MYO7B: variants seen among roughly 807,000 people sequenced by gnomAD.
MYO7B encodes unconventional myosin-VIIb.
In MYO7B, 212 loss-of-function variants were observed where a neutral mutation model predicts 259.7. That is an observed-to-expected ratio of 0.82 (90% CI 0.73 to 0.91). The LOEUF (loss-of-function observed/expected upper bound fraction) is 0.91. Ranked by LOEUF, MYO7B falls within the 40% of genes least tolerant of loss-of-function variation. MYO7B has a pLI of 0.00. For missense variants in MYO7B, 2,732 were observed against 2,813.5 expected (o/e 0.97, Z 0.66); for synonymous variants, 1,197 against 1,166.4 (o/e 1.03, Z -0.54).
chr2:127,584,393 G>T lies in MYO7B; in HGVS notation c.1554+61G>T. 1 of 1,555,182 alleles carries T rather than the reference G, an allele frequency of 6.4e-7. No individual in the cohort carries two copies. Among genetic ancestry groups the T allele is most frequent in the Non-Finnish European group, 8.8e-7 (1 of 1,132,594 alleles). On this transcript the variant is annotated intron_variant, in intron 13 of 47. Coordinates refer to ENST00000409816, the MANE Select transcript of MYO7B (RefSeq NM_001393586.1). The surrounding 1 kb of genome is among the most constrained non-coding windows in gnomAD (Gnocchi z 5.8). ...CCCTGCTATGGGTCTCCTCTTGGAG[G>T]CTGGGAAACTCCATTTGGGTGGGCC... is the stretch of plus-strand genomic sequence containing the variant.
rs992964656 is a variant in MYO7B, at chr2:127,624,448, T to C, written c.4047+128T>C. 7 of 818,672 alleles carry C rather than the reference T, an allele frequency of 8.6e-6. No individual in the cohort carries two copies. The African/African-American group carries it at 1.2e-4, about 14-fold the overall frequency. 50.7% of individuals were successfully genotyped at this position (818,672 alleles called of 1,614,324 possible). A position where few individuals can be genotyped will look rare whatever the true frequency, so the allele number is the denominator to read the frequency against. ...GGCAGGAAAGGGGGTCACAAGGGTG[T>C]AGGTCCCTTCCAGGCCCAGCCTCTG... On this transcript the variant is annotated intron_variant, in intron 30 of 47. Transcript: ENST00000409816.
In MYO7B at chr2:127,590,052, G is replaced by A. The variant is rs2104967009; in HGVS notation, c.1855-40G>A. The A allele has an allele frequency of 1.3e-6, 2 of 1,551,264 alleles. No individual in the cohort carries two copies. Among genetic ancestry groups the A allele is most frequent in the African/African-American group, 2.7e-5 (2 of 73,270 alleles). On this transcript the variant is annotated intron_variant, in intron 15 of 47. Transcript: ENST00000409816. This position sits in a 1 kb window ranked among gnomAD's most constrained non-coding sequence, Gnocchi z 4.6. ...ACAGGGTCAGCTGTCCCAGGACATG[G>A]CTCCTGAGACCCACTTGTGCTCTGT... is the stretch of plus-strand genomic sequence containing the variant.
rs1453605866 is a variant in MYO7B, at chr2:127,535,876, T to A, written c.-24+45T>A. ...GTGTCTGCCAGCGGGGAGTAGGGGG[T>A]CACCTCTCTGAAGAGGGTCGCTGGG... On this transcript the variant is annotated intron_variant, in intron 1 of 47. Transcript: ENST00000409816. This position sits in a 1 kb window ranked among gnomAD's most constrained non-coding sequence, Gnocchi z 4.8. 1 of 152,192 alleles carries A rather than the reference T, an allele frequency of 6.6e-6. No individual in the cohort carries two copies. Among genetic ancestry groups the A allele is most frequent in the African/African-American group, 2.4e-5 (1 of 41,272 alleles). The allele number at this position is 152,192 out of a possible 1,614,324, so 9.4% of individuals were successfully genotyped here. A position where few individuals can be genotyped will look rare whatever the true frequency, so the allele number is the denominator to read the frequency against.
At chr2:127,554,565 G>A (rs1426124273) in intron 1 of MYO7B, among the ~76,000 whole-genome samples, 1 of 152,140 alleles carries the variant, frequency 6.6e-6, no homozygotes, top group Non-Finnish European at 1.5e-5. Flanking sequence ...GTCCTTTTCT[G>A]GTTTTGATAT....
rs1045365573 is a variant in MYO7B at position 127,539,325 on chromosome 2, T to C, written c.-24+3494T>C. On this transcript the variant is annotated intron_variant, in intron 1 of 47. Coordinates refer to ENST00000409816, the MANE Select transcript of MYO7B (RefSeq NM_001393586.1). This position sits in a 1 kb window ranked among gnomAD's most constrained non-coding sequence, Gnocchi z 4.0. ...ACAAAATGTACATCAGAAAATCCCATATATTTGCTAGGCATAGACACAAAA... is the reference window on the plus strand; with the variant it reads ...ACAAAATGTACATCAGAAAATCCCACATATTTGCTAGGCATAGACACAAAA... Among the ~76,000 whole-genome samples the C allele has an allele frequency of 2.6e-5, 4 of 152,194 alleles. No individual in the cohort carries two copies. Among genetic ancestry groups the C allele is most frequent in the African/African-American group, 4.8e-5 (2 of 41,460 alleles).
Position 127,615,534 on chromosome 2 carries a change from C to T in MYO7B, c.3398+2931C>T, listed in dbSNP as rs1189425349. 6.6e-6 allele frequency among the ~76,000 whole-genome samples: 1 copy of T among 152,050 alleles called. No homozygotes were observed. Among genetic ancestry groups the T allele is most frequent in the Non-Finnish European group, 1.5e-5 (1 of 68,014 alleles). ...CAGGGAGGAGGAGGTAACGATTGGT[C>T]AGCTGCTTAATTGATCACAGGTTCA... On this transcript the variant is annotated intron_variant, in intron 26 of 47. Coordinates refer to ENST00000409816, the MANE Select transcript of MYO7B (RefSeq NM_001393586.1). This position sits in a 1 kb window ranked among gnomAD's most constrained non-coding sequence, Gnocchi z 4.4.
rs1172241449 is a variant in MYO7B at position 127,584,683 on chromosome 2, C to T, written c.1555-95C>T. Reference sequence around the variant, plus strand: ...CAAAGGCCCTCAATCATTCTGAGCCCAGATCTCTTTGCCTCCATGAGGAAG... The same window carrying T: ...CAAAGGCCCTCAATCATTCTGAGCCTAGATCTCTTTGCCTCCATGAGGAAG... On this transcript the variant is annotated intron_variant, in intron 13 of 47. Coordinates refer to ENST00000409816, the MANE Select transcript of MYO7B (RefSeq NM_001393586.1). This position sits in a 1 kb window ranked among gnomAD's most constrained non-coding sequence, Gnocchi z 5.8. The T allele has an allele frequency of 2.1e-6, 3 of 1,449,806 alleles. No homozygotes were observed. Among genetic ancestry groups the T allele is most frequent in the Non-Finnish European group, 2.8e-6 (3 of 1,057,226 alleles). 89.8% of individuals were successfully genotyped at this position (1,449,806 alleles called of 1,614,324 possible).
Position 127,608,810 on chromosome 2 carries a change from G to A in MYO7B, c.2746G>A (p.Glu916Lys), listed in dbSNP as rs1046787056. 10 of 1,613,548 alleles carry A rather than the reference G, an allele frequency of 6.2e-6. No individual in the cohort carries two copies. The highest frequency in any genetic ancestry group is 1.7e-5 in the Admixed American group (1 of 60,018). The stretch of plus-strand genomic sequence containing the variant: ...CACCGTCACTGACACGGAGATGGTG[G>A]AGAAGGTGTTCGGCTTCCTCCCTGC... Reference protein sequence around the residue: ...YDTVTDTEMVEKVFGFLPAMI... With the variant: ...YDTVTDTEMVKKVFGFLPAMI... The change falls in exon 22 of 48, where the codon GAG becomes AAG. Residue 916 changes from glutamate to lysine, a missense_variant. Coordinates refer to ENST00000409816, the MANE Select transcript of MYO7B (RefSeq NM_001393586.1).
intron 19 of MYO7B, among the ~76,000 whole-genome samples, chr2:127,598,759 C>T (rs76867005): frequency 0.062 from 9,489 of 152,102 alleles, 444 homozygotes; most frequent in Non-Finnish European, 0.089. Flanking sequence ...TTGTGTAGAG[C>T]GTGACACTTA....
At position 127,546,756 on chromosome 2, in the gene MYO7B, G is replaced by A. The variant is rs1410055006; in HGVS notation, c.-24+10925G>A. ...GGGGCAATGCCTCACCTGCTTTCCT[G>A]GGTAGGTCCATCCATCCATCCATCC... On this transcript the variant is annotated intron_variant, in intron 1 of 47. Coordinates refer to ENST00000409816, the MANE Select transcript of MYO7B (RefSeq NM_001393586.1). The surrounding 1 kb of genome is among the most constrained non-coding windows in gnomAD (Gnocchi z 4.2). Among the ~76,000 whole-genome samples the A allele has an allele frequency of 3.4e-5, 5 of 148,020 alleles. No individual in the cohort carries two copies. Among genetic ancestry groups the A allele is most frequent in the African/African-American group, 2.6e-5 (1 of 39,174 alleles).
At position 127,607,472 on chromosome 2, in the gene MYO7B, C is replaced by T. The variant is rs904774712; in HGVS notation, c.2643+48C>T. Reference sequence around the variant, plus strand: ...GGGCAGGTGGGGCTGGCTGGGGCCCCAGTGGGTGAGGGCAAGAAGGAGTGA... The same window carrying T: ...GGGCAGGTGGGGCTGGCTGGGGCCCTAGTGGGTGAGGGCAAGAAGGAGTGA... On this transcript the variant is annotated intron_variant, in intron 21 of 47. Transcript: ENST00000409816. This position sits in a 1 kb window ranked among gnomAD's most constrained non-coding sequence, Gnocchi z 4.4. 4.6e-6 allele frequency: 7 copies of T among 1,523,952 alleles called. No homozygotes were observed. In the African/African-American group the frequency reaches 9.6e-5, roughly 21 times the overall value. The allele number at this position is 1,523,952 out of a possible 1,614,324, so 94.4% of individuals were successfully genotyped here. A position where few individuals can be genotyped will look rare whatever the true frequency, so the allele number is the denominator to read the frequency against.
At chr2:127,575,337 T>C (rs1269970874) in intron 7 of MYO7B, among the ~76,000 whole-genome samples, 1 of 152,178 alleles carries the variant, frequency 6.6e-6, no homozygotes, top group Non-Finnish European at 1.5e-5. Flanking sequence ...CTTGATATAG[T>C]GGTTGCTGAG....
At position 127,548,492 on chromosome 2, in the gene MYO7B, T is replaced by C. The variant is rs192583830; in HGVS notation, c.-23-11208T>C. Among the ~76,000 whole-genome samples, 883 of 150,996 alleles carry C rather than the reference T, an allele frequency of 5.8e-3. 8 individuals are homozygous for C. Among genetic ancestry groups the C allele is most frequent in the African/African-American group, 0.02 (834 of 41,092 alleles). On this transcript the variant is annotated intron_variant, in intron 1 of 47. Transcript: ENST00000409816. ...AGTGCAGTGGCGGATCTCAACTCAC[T>C]GCCACCTCTGCCTCCCAGGTTCAAG...
At chr2:127,562,229 A>C (rs748206228) in intron 2 of MYO7B, among the ~76,000 whole-genome samples, 2 of 152,172 alleles carry the variant, frequency 1.3e-5, no homozygotes, top group Non-Finnish European at 2.9e-5. Context: ...CAGTCCATAT[A>C]ATGAGGTTTA....
At chr2:127,617,425 A>G (rs1261776162) in intron 26 of MYO7B, among the ~76,000 whole-genome samples, 1 of 151,102 alleles carries the variant, frequency 6.6e-6, no homozygotes, top group East Asian at 1.9e-4. Context: ...TTGTACCTCT[A>G]GGACACTGAC....
chr2:127,634,755 C>A (rs936449671), intron 42 of MYO7B, 72 bp downstream of exon 42: 2 of 1,322,834 alleles, frequency 1.5e-6, no homozygotes, highest in Non-Finnish European at 2.1e-6. Context: ...GGCCTCTGTG[C>A]GGCCCATGCC....
rs77583203 is a variant in MYO7B at position 127,576,936 on chromosome 2, G to A, written c.849+228G>A. Among the ~76,000 whole-genome samples, 2 of 152,158 alleles carry A rather than the reference G, an allele frequency of 1.3e-5. No homozygotes were observed. The highest frequency in any genetic ancestry group is 1.9e-4 in the East Asian group (1 of 5,144). The stretch of plus-strand genomic sequence containing the variant: ...GTACCCCATGCCCCAGGCTGGACCC[G>A]GGGCCTCCCCGCAGACCTCATCTTC... On this transcript the variant is annotated intron_variant, in intron 8 of 47. Coordinates refer to ENST00000409816, the MANE Select transcript of MYO7B (RefSeq NM_001393586.1). The surrounding 1 kb of genome is among the most constrained non-coding windows in gnomAD (Gnocchi z 4.9).
chr2:127,591,460 C>G (rs546598480), intron 16 of MYO7B, among the ~76,000 whole-genome samples: 1 of 152,314 alleles, frequency 6.6e-6, no homozygotes, highest in South Asian at 2.1e-4. Flanking sequence ...AACCCAGGCT[C>G]AGCCCCTTAG....
Position 127,569,831 on chromosome 2 carries a change from C to T in MYO7B, c.513C>T (p.Ile171=). ...GCAAGACGGAGACCACCAAGCTCAT[C>T]CTGCAGTTCCTGGCCACCATCAGTG... is the stretch of plus-strand genomic sequence containing the variant. The part of the protein sequence containing the change: ...GAGKTETTKL[I]LQFLATISGQ... Residue 171 remains isoleucine, a synonymous_variant, in exon 6 of 48, where the codon ATC becomes ATT. Transcript: ENST00000409816. 1 of 1,613,384 alleles carries T rather than the reference C, an allele frequency of 6.2e-7. No homozygotes were observed. Among genetic ancestry groups the T allele is most frequent in the Non-Finnish European group, 8.5e-7 (1 of 1,179,532 alleles).
Sources: allele counts gnomAD v4.1 joint callset (sites outside exome capture counted in the v4.1 genomes callset), GRCh38; gene constraint gnomAD v4.1.1; non-coding constraint Gnocchi (gnomAD v3.1); transcripts MANE v1.5; gene names NCBI Gene and HGNC (gene_info 2026-07-23, HGNC 2026-07-21).